The following CLASP1 variants were observed in gnomAD, a reference collection of about 807,000 sequenced individuals.
The protein encoded by CLASP1 is CLIP-associating protein 1.
Under a neutral mutation model 192.3 loss-of-function variants are expected in CLASP1, and 38 were observed. That is an observed-to-expected ratio of 0.20 (90% CI 0.15 to 0.26). The LOEUF (loss-of-function observed/expected upper bound fraction) is 0.26, where lower values mean the gene tolerates loss of function less well. CLASP1 is among the 10% of genes least tolerant of loss of function. The probability of loss-of-function intolerance (pLI) is 1.00; values close to 1 mark genes in which losing one functional copy is unlikely to be tolerated. For missense variants in CLASP1, 1,433 were observed against 1,932.5 expected (o/e 0.74, Z 4.85); for synonymous variants, 691 against 712.8 (o/e 0.97, Z 0.49).
intron 26 of CLASP1, among the ~76,000 whole-genome samples, chr2:121,403,007 T>A (rs930976448): frequency 2.6e-5 from 4 of 152,196 alleles, no homozygotes; most frequent in Non-Finnish European, 5.9e-5. Flanking sequence ...AATTTTTATA[T>A]TTTTAGTAGA....
At chr2:121,426,533 A>G (rs916929861) in intron 21 of CLASP1, among the ~76,000 whole-genome samples, 2 of 152,204 alleles carry the variant, frequency 1.3e-5, no homozygotes, top group African/African-American at 2.4e-5. Flanking sequence ...GTATGTATAA[A>G]AACACACACT....
At chr2:121,546,684 G>T (rs1200002815) in intron 2 of CLASP1, among the ~76,000 whole-genome samples, 1 of 152,120 alleles carries the variant, frequency 6.6e-6, no homozygotes, top group Non-Finnish European at 1.5e-5. Context: ...AATCTTGGCA[G>T]AGTAGTTTCT....
chr2:121,484,528 T>C (rs559886557), intron 8 of CLASP1, among the ~76,000 whole-genome samples: 6 of 152,266 alleles, frequency 3.9e-5, no homozygotes, highest in South Asian at 2.1e-4. Flanking sequence ...TGAGCACAAA[T>C]AGTGCAGGGC....
chr2:121,441,679 G>A (rs2083369080), intron 19 of CLASP1, among the ~76,000 whole-genome samples: 3 of 152,112 alleles, frequency 2.0e-5, no homozygotes, highest in African/African-American at 7.2e-5. Flanking sequence ...GGCAGGTCAA[G>A]GGTGCAGTGA....
At chr2:121,466,282 AT>A (rs2089559681) in intron 9 of CLASP1, among the ~76,000 whole-genome samples, 2 of 152,248 alleles carry the variant, frequency 1.3e-5, no homozygotes, top group African/African-American at 4.8e-5. Flanking sequence ...CACCAAAAAA[AT>A]AATCAGAAAG....
chr2:121,544,897 CTTTTCTTTTCT>C (rs1318043078), intron 2 of CLASP1, among the ~76,000 whole-genome samples: 233 of 75,002 alleles, frequency 3.1e-3, no homozygotes, highest in African/African-American at 0.012. Context: ...TTTTTCTTTT[CTTTTCTTTTCT>C]TTTTTTTTTT....
At chr2:121,513,417 C>T (rs929593860) in intron 7 of CLASP1, among the ~76,000 whole-genome samples, 10 of 151,946 alleles carry the variant, frequency 6.6e-5, no homozygotes, top group South Asian at 2.1e-4. Flanking sequence ...TCTTTTGTAG[C>T]GCCTTTTTTA....
At chr2:121,600,841 T>C (rs1165841991) in intron 2 of CLASP1, among the ~76,000 whole-genome samples, 1 of 152,190 alleles carries the variant, frequency 6.6e-6, no homozygotes, top group Admixed American at 6.5e-5. Flanking sequence ...GTCACATGCT[T>C]CACTCAAGGG....
chr2:121,407,437 C>T, intron 25 of CLASP1, 34 bp downstream of exon 26: 9 of 1,611,234 alleles, frequency 5.6e-6, no homozygotes, highest in African/African-American at 1.3e-5. Flanking sequence ...ACAGGAGATT[C>T]AAACTTAGCT....
At position 121,569,636 on chromosome 2, in the gene CLASP1, T is replaced by C. The variant is rs2059809178; in HGVS notation, c.195+36065A>G. 4.0e-5 allele frequency among the ~76,000 whole-genome samples: 6 copies of C among 151,472 alleles called. No homozygotes were observed. The South Asian group carries it at 1.2e-3, about 31-fold the overall frequency. Reference sequence around the variant, plus strand: ...GGGAGGCCAAGGAGGGCAAATCACCTGAGATCAGGAGTTTGAGACCAGCCT... The same window carrying C: ...GGGAGGCCAAGGAGGGCAAATCACCCGAGATCAGGAGTTTGAGACCAGCCT... On this transcript the variant is annotated intron_variant, in intron 2 of 39. Coordinates refer to ENST00000263710, the Ensembl canonical transcript of CLASP1.
chr2:121,470,140 C>A, intron 8 of CLASP1, 180 bp from the exon 9 acceptor site: 1 of 660,828 alleles, frequency 1.5e-6, no homozygotes, highest in Non-Finnish European at 2.7e-6. Flanking sequence ...CAGAATGAAG[C>A]TACAAAGATC....
intron 30 of CLASP1, among the ~76,000 whole-genome samples, chr2:121,395,470 C>T (rs2149428821): frequency 6.6e-6 from 1 of 152,338 alleles, no homozygotes; most frequent in Admixed American, 6.5e-5. Flanking sequence ...ATGCCAGGCA[C>T]TGAGCATGCA....
intron 2 of CLASP1, among the ~76,000 whole-genome samples, chr2:121,571,006 T>C (rs184953525): frequency 6.6e-6 from 1 of 151,936 alleles, no homozygotes; most frequent in African/African-American, 2.4e-5. Context: ...ATCCCTCTCA[T>C]AAAGCTATAC....
chr2:121,533,237 G>A (rs897574188), intron 2 of CLASP1, among the ~76,000 whole-genome samples: 2 of 152,182 alleles, frequency 1.3e-5, no homozygotes, highest in African/African-American at 2.4e-5. Context: ...AAATAGGACA[G>A]GAGAGGTCCA....
intron 2 of CLASP1, among the ~76,000 whole-genome samples, chr2:121,561,090 A>T (rs1490926670): frequency 6.6e-6 from 1 of 152,202 alleles, no homozygotes; most frequent in Non-Finnish European, 1.5e-5. Context: ...TATTTTTAGC[A>T]GAGACAGGGT....
At chr2:121,364,450 G>C (rs996706533) in intron 36 of CLASP1, 10 of 153,516 alleles carry the variant, frequency 6.5e-5, no homozygotes, top group Non-Finnish European at 1.4e-4. Flanking sequence ...GCAGGACTTT[G>C]ACCAGATTAC....
At chr2:121,618,984 A>G (rs2066900547) in intron 1 of CLASP1, among the ~76,000 whole-genome samples, 1 of 152,224 alleles carries the variant, frequency 6.6e-6, no homozygotes, top group South Asian at 2.1e-4. Context: ...TGTACCTTGG[A>G]AAGATCATTA....
At chr2:121,442,507 C>T (rs1043153373) in intron 19 of CLASP1, among the ~76,000 whole-genome samples, 4 of 139,408 alleles carry the variant, frequency 2.9e-5, no homozygotes, top group East Asian at 2.6e-4. Context: ...GACGGAGTCT[C>T]GCTCTGTTGC....
intron 1 of CLASP1, among the ~76,000 whole-genome samples, chr2:121,611,479 GCGT>G (rs2105980435): frequency 7.1e-6 from 1 of 141,718 alleles, no homozygotes; most frequent in South Asian, 2.3e-4. Flanking sequence ...GGAGGAGGAG[GCGT>G]TGGAGGAGTT....
Sources: allele counts gnomAD v4.1 joint callset (sites outside exome capture counted in the v4.1 genomes callset), GRCh38; gene constraint gnomAD v4.1.1; transcripts MANE v1.5; gene names NCBI Gene and HGNC (gene_info 2026-07-23, HGNC 2026-07-21).